The following ABHD12 variants were observed in gnomAD, a reference collection of about 807,000 sequenced individuals.
ABHD12 encodes the protein lysophosphatidylserine lipase ABHD12.
In ABHD12, 43 loss-of-function variants were observed where a neutral mutation model predicts 58.3. The observed-to-expected ratio is 0.74, with a 90% CI of 0.58 to 0.95. The LOEUF (loss-of-function observed/expected upper bound fraction) is 0.95, where lower values mean the gene tolerates loss of function less well. Among genes scored for constraint, ABHD12 ranks in the 40% least tolerant of loss-of-function variants. The pLI is 0.00. For missense variants in ABHD12, 539 were observed against 537.2 expected (o/e 1.00, Z -0.03); for synonymous variants, 219 against 211.2 (o/e 1.04, Z -0.32).
chr20:25,302,494 A>T, intron 11 of ABHD12, 148 bp from the exon 12 acceptor site: 1 of 1,071,788 alleles, frequency 9.3e-7, no homozygotes. Flanking sequence ...CACGACCAGG[A>T]GGCCCGGGGG....
chr20:25,303,119 C>T, intron 11 of ABHD12: 1 of 679,704 alleles, frequency 1.5e-6, no homozygotes, highest in Non-Finnish European at 1.9e-6. Context: ...GTTTCTCTAT[C>T]AATTTTGACT....
intron 1 of ABHD12, among the ~76,000 whole-genome samples, chr20:25,350,963 A>ACACACT (rs2089591305): frequency 3.4e-4 from 1 of 2,968 alleles, no homozygotes; most frequent in South Asian, 7.8e-3. Flanking sequence ...AATCCTTCAC[A>ACACACT]CACACACACA....
intron 2 of ABHD12, among the ~76,000 whole-genome samples, chr20:25,324,206 C>T (rs958204941): frequency 2.6e-4 from 39 of 152,102 alleles, no homozygotes; most frequent in African/African-American, 9.4e-4. Context: ...ATGAGAGGAG[C>T]AAGGTGACTG....
At chr20:25,327,891 TGA>T (rs1201187500) in intron 2 of ABHD12, among the ~76,000 whole-genome samples, 1 of 152,112 alleles carries the variant, frequency 6.6e-6, no homozygotes, top group African/African-American at 2.4e-5. Context: ...CCATCCAGAT[TGA>T]TAAACTAGCT....
At chr20:25,352,990 C>G (rs2089621306) in intron 1 of ABHD12, among the ~76,000 whole-genome samples, 1 of 152,160 alleles carries the variant, frequency 6.6e-6, no homozygotes, top group Admixed American at 6.5e-5. Context: ...CAAGCCTGGG[C>G]AAGAGTGAGA....
chr20:25,349,323 G>C (rs77743253), intron 1 of ABHD12, among the ~76,000 whole-genome samples: 2 of 152,172 alleles, frequency 1.3e-5, no homozygotes, highest in East Asian at 3.8e-4. Flanking sequence ...ATGGAAAACA[G>C]TTTGGCCATT....
intron 1 of ABHD12, among the ~76,000 whole-genome samples, chr20:25,372,862 C>A (rs567639800): frequency 6.6e-6 from 1 of 152,354 alleles, no homozygotes; most frequent in African/African-American, 2.4e-5. Flanking sequence ...CATTCACTCA[C>A]CACTCACTCA....
intron 1 of ABHD12, among the ~76,000 whole-genome samples, chr20:25,376,138 A>AATC (rs1057022680): frequency 1.3e-5 from 2 of 152,034 alleles, no homozygotes; most frequent in Non-Finnish European, 2.9e-5. Flanking sequence ...TAATAATAAT[A>AATC]ATAATAATGT....
chr20:25,309,627 T>A, intron 6 of ABHD12, 52 bp from the exon 7 acceptor site: 1 of 1,610,420 alleles, frequency 6.2e-7, no homozygotes, highest in East Asian at 2.2e-5. Context: ...TCACAAAACC[T>A]GGACAAACAC....
At chr20:25,373,105 G>A (rs1427530343) in intron 1 of ABHD12, among the ~76,000 whole-genome samples, 2 of 152,178 alleles carry the variant, frequency 1.3e-5, no homozygotes, top group African/African-American at 4.8e-5. Flanking sequence ...GCGTGTAATA[G>A]GCCGTACCAT....
chr20:25,295,477 TG>T, downstream of ABHD12: 1 of 1,067,426 alleles, frequency 9.4e-7, no homozygotes, highest in Non-Finnish European at 1.4e-6. Context: ...GCTGCGTGGG[TG>T]GGCCCCTTCG....
chr20:25,346,563 TA>T (rs1356727953), intron 1 of ABHD12, among the ~76,000 whole-genome samples: 1 of 152,182 alleles, frequency 6.6e-6, no homozygotes, highest in East Asian at 1.9e-4. Flanking sequence ...CCATGTGTGG[TA>T]GGGGCGGGGC....
chr20:25,324,370 T>C (rs2089137440), intron 2 of ABHD12, among the ~76,000 whole-genome samples: 1 of 152,230 alleles, frequency 6.6e-6, no homozygotes, highest in Non-Finnish European at 1.5e-5. Flanking sequence ...GGGCAATTTT[T>C]TCCTTATATA....
chr20:25,388,540 G>A (rs2090125309), intron 1 of ABHD12, among the ~76,000 whole-genome samples: 1 of 152,172 alleles, frequency 6.6e-6, no homozygotes, highest in African/African-American at 2.4e-5. Context: ...GAAAGCTCAA[G>A]GATGTCTGAG....
chr20:25,297,948 G>A (rs1162202793), downstream of ABHD12: 2 of 152,308 alleles, frequency 1.3e-5, no homozygotes, highest in African/African-American at 2.4e-5. Flanking sequence ...CCACCACTGT[G>A]CCCCTCATTG....
In ABHD12 at chr20:25,339,269, G is replaced by C; in HGVS notation, c.274C>G (p.Leu92Val). 1 of 1,614,154 alleles carries C rather than the reference G, an allele frequency of 6.2e-7. No individual in the cohort carries two copies. Residue 92 changes from leucine to valine, a missense_variant, in exon 2 of 13, where the codon CTA becomes GTA. Physicochemically the swap from Leu to Val is conservative, Grantham distance 32. Transcript: ENST00000339157. ...LYIAIPFLIKLCPGIQAKLIF... is the reference protein window; with the variant it reads ...LYIAIPFLIKVCPGIQAKLIF... ...AGTTTGGCCTGTATTCCAGGACATA[G>C]TTTGATGAGAAATGGAATGGCAATG...
rs1445534862 is a variant in ABHD12, at chr20:25,301,019, T to G, written c.1158-135A>C. The G allele has an allele frequency of 5.5e-6, 5 of 911,430 alleles. No individual in the cohort carries two copies. In the African/African-American group the frequency reaches 8.2e-5, roughly 15 times the overall value. 56.5% of individuals were successfully genotyped at this position (911,430 alleles called of 1,614,324 possible). On this transcript the variant is annotated intron_variant, in intron 12 of 12. Transcript: ENST00000339157. Reference sequence around the variant, plus strand: ...AGCCAAGAGCCCCATGAGGATGCGCTGTAGCCCAGAGCAGCACTCAGTGAG... The same window carrying G: ...AGCCAAGAGCCCCATGAGGATGCGCGGTAGCCCAGAGCAGCACTCAGTGAG...
intron 1 of ABHD12, among the ~76,000 whole-genome samples, chr20:25,345,117 G>A (rs535262104): frequency 1.3e-5 from 2 of 150,176 alleles, no homozygotes; most frequent in Non-Finnish European, 3.0e-5. Flanking sequence ...ATGGAGTCTC[G>A]CTCTGTCACC....
chr20:25,344,057 C>A (rs1452831974), intron 1 of ABHD12, among the ~76,000 whole-genome samples: 1 of 152,106 alleles, frequency 6.6e-6, no homozygotes, highest in Non-Finnish European at 1.5e-5. Context: ...AAGCATGTGA[C>A]AAAATCAACA....
Sources: allele counts gnomAD v4.1 joint callset (sites outside exome capture counted in the v4.1 genomes callset), GRCh38; gene constraint gnomAD v4.1.1; transcripts MANE v1.5; gene names NCBI Gene and HGNC (gene_info 2026-07-23, HGNC 2026-07-21).